ZNF207: variants seen among roughly 807,000 people sequenced by gnomAD.
The protein encoded by ZNF207 is BUB3-interacting and GLEBS motif-containing protein ZNF207.
ZNF207 carries 24 observed loss-of-function variants against 60.2 expected under a neutral mutation model. The ratio of observed to expected loss-of-function variants is 0.40; its 90% CI spans 0.29 to 0.56. ZNF207 has a LOEUF of 0.56. Ranked by LOEUF, ZNF207 falls within the 20% of genes least tolerant of loss-of-function variation. ZNF207 has a pLI of 0.49. For synonymous variants in ZNF207, 236 were observed against 194.7 expected (o/e 1.21, Z -1.77); for missense variants, 452 against 636.6 (o/e 0.71, Z 3.12).
intron 3 of ZNF207, among the ~76,000 whole-genome samples, chr17:32,359,236 C>T (rs926754659): frequency 2.6e-5 from 4 of 152,052 alleles, no homozygotes; most frequent in Non-Finnish European, 5.9e-5. Context: ...CCTCAGCCTT[C>T]GGAGTAGCTG....
rs1289063163 is a variant in ZNF207, at chr17:32,351,376, C to A, written c.42-410C>A. The A allele has an allele frequency of 5.0e-6, 5 of 1,003,998 alleles. No individual in the cohort carries two copies. In the African/African-American group the frequency reaches 8.4e-5, roughly 17 times the overall value. The allele number at this position is 1,003,998 out of a possible 1,614,324, so 62.2% of individuals were successfully genotyped here. ...TCTAAATATTGCTAAATTCCTAATC[C>A]AGTTATTGCTATCGTCTTCATATCT... On this transcript the variant is annotated intron_variant, in intron 1 of 11. Coordinates refer to ENST00000394670, the MANE Select transcript of ZNF207 (RefSeq NM_001098507.2).
intron 10 of ZNF207, 146 bp downstream of exon 10, chr17:32,368,160 T>A: frequency 8.7e-7 from 1 of 1,148,376 alleles, no homozygotes; most frequent in Non-Finnish European, 1.2e-6. Context: ...TTCTGATTCT[T>A]AAGAAATCAT....
At chr17:32,357,339 A>ATTTTTTTTTTT (rs1405292203) in intron 2 of ZNF207, among the ~76,000 whole-genome samples, 2 of 81,928 alleles carry the variant, frequency 2.4e-5, no homozygotes, top group African/African-American at 1.2e-4. Flanking sequence ...TATTATTATT[A>ATTTTTTTTTTT]TTATTATTAT....
chr17:32,358,726 G>T, intron 3 of ZNF207, 85 bp downstream of exon 3: 9 of 1,060,864 alleles, frequency 8.5e-6, no homozygotes, highest in African/African-American at 1.7e-5. Flanking sequence ...CTGTCCAGCC[G>T]AGGCTGGAGT....
rs1314171432 is a variant in ZNF207 at position 32,375,085 on chromosome 17, G to GTATAGCATT, written c.*5329_*5337dup. ...TCTGAGCAGTAACAATGAACAAGCA[G>GTATAGCATT]TATAGCATTTAGCAAACCTGGAATT... On this transcript the variant is annotated 3_prime_UTR_variant, in exon 12 of 12. Transcript: ENST00000394670. 3.3e-5 allele frequency: 5 copies of GTATAGCATT among 152,112 alleles called. No individual in the cohort carries two copies. Among genetic ancestry groups the GTATAGCATT allele is most frequent in the African/African-American group, 1.2e-4 (5 of 41,410 alleles). The allele number at this position is 152,112 out of a possible 1,614,324, so 9.4% of individuals were successfully genotyped here.
chr17:32,353,587 G>T (rs975402837), intron 2 of ZNF207, among the ~76,000 whole-genome samples: 1 of 150,338 alleles, frequency 6.7e-6, no homozygotes, highest in African/African-American at 2.4e-5. Flanking sequence ...TTCAAGACCA[G>T]CCTGACCAAC....
intron 2 of ZNF207, among the ~76,000 whole-genome samples, chr17:32,357,418 G>A (rs1432999475): frequency 6.9e-6 from 1 of 145,672 alleles, no homozygotes; most frequent in Admixed American, 7.1e-5. Context: ...GCACGGTCTC[G>A]GCTCACTGTA....
At position 32,358,561 on chromosome 17, in the gene ZNF207, A is replaced by G; in HGVS notation, c.227A>G (p.Glu76Gly). 6.4e-7 allele frequency: 1 copy of G among 1,568,506 alleles called. No homozygotes were observed. Among genetic ancestry groups the G allele is most frequent in the South Asian group, 1.2e-5 (1 of 80,028 alleles). Residue 76 changes from glutamate to glycine, a missense_variant, in exon 3 of 12, where the codon GAG becomes GGG. Glu to Gly is a moderately conservative substitution (Grantham distance 98). Coordinates refer to ENST00000394670, the MANE Select transcript of ZNF207 (RefSeq NM_001098507.2). ...GCAATACCTGGAAGAACAGACATAG[A>G]GTTGGAAATATATGGTATGGAAGGT... Reference protein sequence around the residue: ...PNAIPGRTDIELEIYGMEGIP... With the variant: ...PNAIPGRTDIGLEIYGMEGIP...
intron 3 of ZNF207, among the ~76,000 whole-genome samples, chr17:32,360,022 A>G (rs188762746): frequency 3.9e-5 from 6 of 152,332 alleles, no homozygotes; most frequent in African/African-American, 1.2e-4. Flanking sequence ...CATTTGGATC[A>G]TTCCATTTTC....
intron 2 of ZNF207, among the ~76,000 whole-genome samples, chr17:32,357,502 C>T (rs1904613280): frequency 6.6e-6 from 1 of 151,466 alleles, no homozygotes; most frequent in African/African-American, 2.4e-5. Context: ...GCACGTGCCA[C>T]CATGCCCGGC....
At chr17:32,361,048 G>A (rs1487833120) in intron 5 of ZNF207, 81 bp downstream of exon 5, 14 of 1,454,608 alleles carry the variant, frequency 9.6e-6, no homozygotes, top group Non-Finnish European at 1.3e-5. Flanking sequence ...TGAATGAAAT[G>A]TTACTTTCCA....
At chr17:32,358,430 A>G in intron 2 of ZNF207, 73 bp from the exon 3 acceptor site, 2 of 1,423,286 alleles carry the variant, frequency 1.4e-6, no homozygotes. Flanking sequence ...TATTCTTTAT[A>G]CTAAGCAGTC....
Position 32,369,692 on chromosome 17 carries a change from A to T in ZNF207, c.1418A>T (p.Gln473Leu). 6.3e-7 allele frequency: 1 copy of T among 1,596,504 alleles called. No individual in the cohort carries two copies. The highest frequency in any genetic ancestry group is 8.5e-7 in the Non-Finnish European group (1 of 1,172,622). The change falls in exon 12 of 12, where the codon CAG becomes CTG. Residue 473 changes from glutamine to leucine, a missense_variant. By Grantham distance (113) the Gln-to-Leu change is moderately radical. Around this residue, in one of 2 missense-constraint regions of ZNF207, gnomAD observed 390 missense variants for 461.4 expected, o/e 0.85. Transcript: ENST00000394670. ...GQGPPMVPPYQGGPPRPPMGM... is the reference protein window; with the variant it reads ...GQGPPMVPPYLGGPPRPPMGM... ...GGACCGCCAATGGTGCCCCCTTACCAGGGTGGGCCTCCTCGACCTCCGATG... is the reference window on the plus strand; with the variant it reads ...GGACCGCCAATGGTGCCCCCTTACCTGGGTGGGCCTCCTCGACCTCCGATG...
rs560453705 is a variant in ZNF207, at chr17:32,380,361, G to A, written c.*10602G>A. 12 of 152,352 alleles carry A rather than the reference G, an allele frequency of 7.9e-5. 1 individual carries two copies. The South Asian group carries it at 8.3e-4, about 11-fold the overall frequency. The allele number at this position is 152,352 out of a possible 1,614,324, so 9.4% of individuals were successfully genotyped here. Reference sequence around the variant, plus strand: ...AATTTGCCTGCATAAAGATTAAATTGGAACATACCTTACTCCTTTGTCTGG... The same window carrying A: ...AATTTGCCTGCATAAAGATTAAATTAGAACATACCTTACTCCTTTGTCTGG... On this transcript the variant is annotated 3_prime_UTR_variant, in exon 12 of 12. Transcript: ENST00000394670.
intron 6 of ZNF207, among the ~76,000 whole-genome samples, chr17:32,362,357 T>G (rs1261675210): frequency 2.6e-5 from 4 of 152,094 alleles, no homozygotes; most frequent in Non-Finnish European, 5.9e-5. Flanking sequence ...AAAGTTATGG[T>G]CTCACTTTTT....
rs1299667365 is a variant in ZNF207 at position 32,373,700 on chromosome 17, A to G, written c.*3941A>G. 2 of 333,414 alleles carry G rather than the reference A, an allele frequency of 6.0e-6. No homozygotes were observed. The highest frequency in any genetic ancestry group is 4.2e-5 in the African/African-American group (2 of 47,220). The allele number at this position is 333,414 out of a possible 1,614,324, so 20.7% of individuals were successfully genotyped here. On this transcript the variant is annotated 3_prime_UTR_variant, in exon 12 of 12. Coordinates refer to ENST00000394670, the MANE Select transcript of ZNF207 (RefSeq NM_001098507.2). ...TGTGTGTTACATAATTAACAGCTTCAGTAAAGCTTGTGTTCCTATATTGAA... is the reference window on the plus strand; with the variant it reads ...TGTGTGTTACATAATTAACAGCTTCGGTAAAGCTTGTGTTCCTATATTGAA...
At position 32,381,123 on chromosome 17, in the gene ZNF207, T is replaced by TA. The variant is rs1238716247; in HGVS notation, c.*11365dup. The TA allele has an allele frequency of 6.6e-6, 1 of 152,216 alleles. No individual in the cohort carries two copies. Among genetic ancestry groups the TA allele is most frequent in the Non-Finnish European group, 1.5e-5 (1 of 68,042 alleles). 9.4% of individuals were successfully genotyped at this position (152,216 alleles called of 1,614,324 possible). On this transcript the variant is annotated 3_prime_UTR_variant, in exon 12 of 12. Coordinates refer to ENST00000394670, the MANE Select transcript of ZNF207 (RefSeq NM_001098507.2). ...GGAAAAGGTCCATTTATTTCCAAAC[T>TA]AGTCTGTAGTGGTTTAGAGTAAGCA... is the stretch of plus-strand genomic sequence containing the variant.
chr17:32,350,172 T>A lies in ZNF207; in HGVS notation c.-114T>A. 6.5e-7 allele frequency: 1 copy of A among 1,533,280 alleles called. No individual in the cohort carries two copies. The highest frequency in any genetic ancestry group is 9.0e-7 in the Non-Finnish European group (1 of 1,110,528). 95.0% of individuals were successfully genotyped at this position (1,533,280 alleles called of 1,614,324 possible). A position where few individuals can be genotyped will look rare whatever the true frequency, so the allele number is the denominator to read the frequency against. On this transcript the variant is annotated 5_prime_UTR_variant, in exon 1 of 12. Coordinates refer to ENST00000394670, the MANE Select transcript of ZNF207 (RefSeq NM_001098507.2). ...GAACGAGGCCGTCGGCCATTTTGTG[T>A]CTGCTTCCTGTGGGACGTGGTGGTA...
chr17:32,380,539 T>A lies in ZNF207; in HGVS notation c.*10780T>A, dbSNP rs1597806785. The A allele has an allele frequency of 1.3e-5, 2 of 152,326 alleles. No individual in the cohort carries two copies. Among genetic ancestry groups the A allele is most frequent in the Middle Eastern group, 6.8e-3 (2 of 294 alleles). The allele number at this position is 152,326 out of a possible 1,614,324, so 9.4% of individuals were successfully genotyped here. On this transcript the variant is annotated 3_prime_UTR_variant, in exon 12 of 12. Transcript: ENST00000394670. Reference sequence around the variant, plus strand: ...GATGATGGCTTTCAGTTTATTTAAGTCTTCTGTTTTTCAGCTCCAGTTAAA... The same window carrying A: ...GATGATGGCTTTCAGTTTATTTAAGACTTCTGTTTTTCAGCTCCAGTTAAA...
Sources: gnomAD v4.1 joint callset for allele counts (sites outside exome capture counted in the v4.1 genomes callset) on GRCh38, gnomAD v4.1.1 for gene constraint, gnomAD v4.1.1 regional missense constraint, MANE v1.5 for transcripts, NCBI Gene and HGNC (gene_info 2026-07-23, HGNC 2026-07-21) for gene names.